The following SLC9B1 variants were observed in gnomAD, a reference collection of about 807,000 sequenced individuals.
SLC9B1 encodes the protein sodium/hydrogen exchanger 9B1.
SLC9B1 carries 32 observed loss-of-function variants against 51.7 expected under a neutral mutation model. The observed-to-expected ratio is 0.62, with a 90% confidence interval of 0.47 to 0.83. The LOEUF is 0.83. SLC9B1 is among the 40% of genes least tolerant of loss of function. The pLI is 0.00. For missense variants in SLC9B1, 406 were observed against 613.2 expected, an observed-to-expected ratio of 0.66 and a Z score of 3.57; for synonymous variants, 145 against 212.7, an observed-to-expected ratio of 0.68 and a Z score of 2.77.
At chr4:103,018,947 T>A (rs1741573470) in intron 1 of SLC9B1, among the ~76,000 whole-genome samples, 1 of 152,192 alleles carries the variant, frequency 6.6e-6, no homozygotes. Context: ...GATTATGAAC[T>A]GCGCATGTGA....
At chr4:103,008,799 T>TTTC (rs1740932693) in intron 1 of SLC9B1, among the ~76,000 whole-genome samples, 3 of 140,978 alleles carry the variant, frequency 2.1e-5, no homozygotes, top group Admixed American at 7.0e-5. Flanking sequence ...AACAGTTTCT[T>TTTC]TTTTTTTTTT....
intron 1 of SLC9B1, among the ~76,000 whole-genome samples, chr4:103,019,114 G>T (rs890509051): frequency 2.6e-5 from 4 of 152,058 alleles, no homozygotes; most frequent in Admixed American, 1.3e-4. Flanking sequence ...TGTCCCCTGG[G>T]TTAAAGCCAA....
intron 1 of SLC9B1, among the ~76,000 whole-genome samples, chr4:103,003,388 C>T (rs778354778): frequency 3.9e-4 from 59 of 151,820 alleles, no homozygotes; most frequent in South Asian, 1.5e-3. Flanking sequence ...TGTAATGAAC[C>T]CTGTAACTCA....
At chr4:102,959,237 C>T (rs13121336) in intron 3 of SLC9B1, among the ~76,000 whole-genome samples, 2,632 of 40,058 alleles carry the variant, frequency 0.066, 69 homozygotes, top group African/African-American at 0.2. Flanking sequence ...TATATATATA[C>T]ACACACACAC....
At chr4:102,955,874 AAAGAAAGAAAG>A (rs1737772301) in intron 3 of SLC9B1, among the ~76,000 whole-genome samples, 2 of 141,662 alleles carry the variant, frequency 1.4e-5, no homozygotes, top group African/African-American at 5.7e-5. Context: ...AGAAAGAAAG[AAAGAAAGAAAG>A]AAAGAAAGAA....
intron 1 of SLC9B1, among the ~76,000 whole-genome samples, chr4:103,009,079 T>G (rs1249501745): frequency 6.6e-6 from 1 of 152,202 alleles, no homozygotes; most frequent in East Asian, 1.9e-4. Flanking sequence ...ATTACAGGTG[T>G]GAGCCACTGC....
In SLC9B1 at chr4:102,918,207, A is replaced by G. The variant is rs187445294; in HGVS notation, c.830-6670T>C. 1.3e-4 allele frequency among the ~76,000 whole-genome samples: 20 copies of G among 152,152 alleles called. No individual in the cohort carries two copies. In the East Asian group the frequency reaches 3.7e-3, roughly 28 times the overall value. ...TAAAGAAGACTCAACTTCTTTTAGGAACAAAAGAGAAGACATTGCAACAGA... is the reference window on the plus strand; with the variant it reads ...TAAAGAAGACTCAACTTCTTTTAGGGACAAAAGAGAAGACATTGCAACAGA... On this transcript the variant is annotated intron_variant, in intron 7 of 11. Transcript: ENST00000296422.
intron 5 of SLC9B1, among the ~76,000 whole-genome samples, chr4:102,945,744 T>C (rs60861154): frequency 0.012 from 1,885 of 152,274 alleles, 38 homozygotes; most frequent in African/African-American, 0.042. Context: ...TAATTCATTT[T>C]AAAAGGGAGA....
intron 9 of SLC9B1, among the ~76,000 whole-genome samples, chr4:102,910,182 TAAAGGTA>T (rs1560921883): frequency 7.4e-4 from 113 of 152,222 alleles, no homozygotes; most frequent in Middle Eastern, 3.4e-3. Flanking sequence ...ATTAGATTGA[TAAAGGTA>T]ATATAATAAT....
intron 1 of SLC9B1, among the ~76,000 whole-genome samples, chr4:102,994,479 C>A (rs1163258192): frequency 6.6e-6 from 1 of 152,306 alleles, no homozygotes; most frequent in Admixed American, 6.5e-5. Flanking sequence ...CACACTTTCC[C>A]ACATCTTCCT....
At chr4:102,992,498 T>A (rs183790883) in intron 1 of SLC9B1, among the ~76,000 whole-genome samples, 398 of 152,266 alleles carry the variant, frequency 2.6e-3, no homozygotes, top group African/African-American at 9.1e-3. Flanking sequence ...ATTTTAATAA[T>A]GAAAATTGTT....
chr4:102,904,854 C>T lies in SLC9B1; in HGVS notation c.1332+660G>A, dbSNP rs932641635. 5.3e-5 allele frequency among the ~76,000 whole-genome samples: 8 copies of T among 151,906 alleles called. No homozygotes were observed. In the East Asian group the frequency reaches 1.5e-3, roughly 29 times the overall value. On this transcript the variant is annotated intron_variant, in intron 11 of 11. Coordinates refer to ENST00000296422, the MANE Select transcript of SLC9B1 (RefSeq NM_139173.4). ...AAAATTAGCTGGGTGTGGTAGTGTGCACCTGTATAATCCCAGCTACTCAGA... is the reference window on the plus strand; with the variant it reads ...AAAATTAGCTGGGTGTGGTAGTGTGTACCTGTATAATCCCAGCTACTCAGA...
At chr4:102,956,224 T>C (rs1470132337) in intron 3 of SLC9B1, among the ~76,000 whole-genome samples, 1 of 151,924 alleles carries the variant, frequency 6.6e-6, no homozygotes, top group Non-Finnish European at 1.5e-5. Flanking sequence ...GTGCCTGGTA[T>C]CCTCCAGACT....
intron 3 of SLC9B1, among the ~76,000 whole-genome samples, chr4:102,985,769 C>T (rs1739586582): frequency 6.6e-6 from 1 of 152,124 alleles, no homozygotes; most frequent in South Asian, 2.1e-4. Flanking sequence ...AAGTGATCCA[C>T]CCACCTCCAC....
chr4:102,968,900 G>T (rs1465651398), intron 3 of SLC9B1, among the ~76,000 whole-genome samples: 2 of 152,218 alleles, frequency 1.3e-5, no homozygotes, highest in African/African-American at 4.8e-5. Context: ...CTGGCTCGGT[G>T]GGTCCCACGC....
intron 2 of SLC9B1, 29 bp from the exon 3 acceptor site, chr4:102,989,970 A>C: frequency 6.5e-7 from 1 of 1,533,406 alleles, no homozygotes; most frequent in Non-Finnish European, 8.8e-7. Context: ...ATCTTTAAGG[A>C]ACCATACTTT....
chr4:102,974,242 G>GAAAAAAAAAAAAAAAAAAAAAAATA (rs1738927493), intron 3 of SLC9B1, among the ~76,000 whole-genome samples: 1 of 53,446 alleles, frequency 1.9e-5, no homozygotes, highest in Non-Finnish European at 3.3e-5. Flanking sequence ...GTCTAAAATT[G>GAAAAAAAAAAAAAAAAAAAAAAATA]AAAAAAAAAA....
intron 3 of SLC9B1, among the ~76,000 whole-genome samples, chr4:102,979,639 T>C (rs542646883): frequency 3.0e-4 from 45 of 152,312 alleles, no homozygotes; most frequent in African/African-American, 1.0e-3. Flanking sequence ...AATGGAACTA[T>C]GTTCATCCCC....
chr4:102,950,811 T>C (rs1258268506), intron 3 of SLC9B1, among the ~76,000 whole-genome samples: 3 of 152,096 alleles, frequency 2.0e-5, no homozygotes, highest in Non-Finnish European at 4.4e-5. Context: ...CTGACCAACA[T>C]GGTGAAACGC....
Sources: allele counts gnomAD v4.1 joint callset (sites outside exome capture counted in the v4.1 genomes callset), GRCh38; gene constraint gnomAD v4.1.1; transcripts MANE v1.5; gene names NCBI Gene and HGNC (gene_info 2026-07-23, HGNC 2026-07-21).